ITPK1: variants seen among roughly 807,000 people sequenced by gnomAD.
The protein encoded by ITPK1 is inositol 1,3,4-trisphosphate 5/6-kinase.
ITPK1 carries 21 observed loss-of-function variants against 45.3 expected under a neutral mutation model. The observed-to-expected ratio is 0.46, with a 90% CI of 0.33 to 0.67. ITPK1 has a LOEUF of 0.67. ITPK1 is among the 30% of genes least tolerant of loss of function. The pLI, the probability that ITPK1 is intolerant of heterozygous loss-of-function variation, is 0.02. For missense variants in ITPK1, 474 were observed against 573.5 expected (o/e 0.83, Z 1.77); for synonymous variants, 258 against 253.6 (o/e 1.02, Z -0.16).
rs1890464414 is a variant in ITPK1 at position 93,060,304 on chromosome 14, CTT to C, written c.120+16289_120+16290del. Among the ~76,000 whole-genome samples, 4 of 152,352 alleles carry C rather than the reference CTT, an allele frequency of 2.6e-5. No individual in the cohort carries two copies. The South Asian group carries it at 8.3e-4, about 32-fold the overall frequency. On this transcript the variant is annotated intron_variant, in intron 3 of 10. Coordinates refer to ENST00000267615, the MANE Select transcript of ITPK1 (RefSeq NM_014216.6). The stretch of plus-strand genomic sequence containing the variant: ...AAACAGCCCCTGCTTTCAAGGCTCT[CTT>C]TGAACCACTGAGGGTGAGCTCTGCT...
At position 92,938,690 on chromosome 14, in the gene ITPK1, C is replaced by T. The variant is rs1887220618; in HGVS notation, c.*2871G>A. 4.7e-6 allele frequency: 3 copies of T among 639,382 alleles called. No homozygotes were observed. In the East Asian group the frequency reaches 8.2e-5, roughly 17 times the overall value. The allele number at this position is 639,382 out of a possible 1,614,324, so 39.6% of individuals were successfully genotyped here. A position where few individuals can be genotyped will look rare whatever the true frequency, so the allele number is the denominator to read the frequency against. On this transcript the variant is annotated 3_prime_UTR_variant, in exon 11 of 11. Transcript: ENST00000267615. ...GTGACTGCAGGCCCAGCCCACCCAC[C>T]ACGTGTGGACCCAGACACCTCCATG...
intron 5 of ITPK1, among the ~76,000 whole-genome samples, chr14:92,980,163 G>T (rs1169631780): frequency 6.6e-6 from 1 of 152,160 alleles, no homozygotes; most frequent in East Asian, 1.9e-4. Flanking sequence ...TCTTTGGGCA[G>T]AACACACAGC....
At position 93,031,259 on chromosome 14, in the gene ITPK1, C is replaced by T. The variant is rs374788528; in HGVS notation, c.121-14458G>A. Among the ~76,000 whole-genome samples the T allele has an allele frequency of 9.9e-5, 15 of 151,678 alleles. No individual in the cohort carries two copies. The East Asian group carries it at 2.5e-3, about 26-fold the overall frequency. ...AGGGGTCCCGAGCAGAGGAGGCCAG[C>T]GTGGGTGCAGGGGACGGGGGACAAA... On this transcript the variant is annotated intron_variant, in intron 3 of 10. Coordinates refer to ENST00000267615, the MANE Select transcript of ITPK1 (RefSeq NM_014216.6).
intron 2 of ITPK1, among the ~76,000 whole-genome samples, chr14:93,098,056 T>C (rs1892153340): frequency 1.3e-5 from 2 of 151,946 alleles, no homozygotes; most frequent in Admixed American, 6.6e-5. Context: ...AGGTGGCTCA[T>C]GCATATAATC....
Position 92,940,250 on chromosome 14 carries a change from A to G in ITPK1, c.*1311T>C, listed in dbSNP as rs1887292369. 1.0e-6 allele frequency: 1 copy of G among 986,378 alleles called. No individual in the cohort carries two copies. Among genetic ancestry groups the G allele is most frequent in the Non-Finnish European group, 1.2e-6 (1 of 830,688 alleles). 61.1% of individuals were successfully genotyped at this position (986,378 alleles called of 1,614,324 possible). The stretch of plus-strand genomic sequence containing the variant: ...AGCCTTTTTCACTTTTTCAAAGTAA[A>G]CTGCTATCTTAAGACACAAAAACAT... On this transcript the variant is annotated 3_prime_UTR_variant, in exon 11 of 11. Transcript: ENST00000267615.
At chr14:92,975,588 T>A (rs530753463) in intron 5 of ITPK1, among the ~76,000 whole-genome samples, 16 of 152,316 alleles carry the variant, frequency 1.1e-4, no homozygotes, top group African/African-American at 3.6e-4. Context: ...CTGAATGAGA[T>A]TAGCATTTGA....
rs1025927492 is a variant in ITPK1 at position 93,016,536 on chromosome 14, T to C, written c.246+140A>G. The stretch of plus-strand genomic sequence containing the variant: ...AGAAGTACCTGCCCACGAGCCCATG[T>C]CTTGCCAGTGGCAGAGCCATTTCTC... On this transcript the variant is annotated intron_variant, in intron 4 of 10. Transcript: ENST00000267615. The surrounding 1 kb of genome is among the most constrained non-coding windows in gnomAD (Gnocchi z 5.0). 5.3e-6 allele frequency: 5 copies of C among 946,896 alleles called. No individual in the cohort carries two copies. In the Admixed American group the frequency reaches 1.1e-4, roughly 21 times the overall value. 58.7% of individuals were successfully genotyped at this position (946,896 alleles called of 1,614,324 possible). A position where few individuals can be genotyped will look rare whatever the true frequency, so the allele number is the denominator to read the frequency against.
At chr14:93,111,738 G>A (rs1038447776) in intron 2 of ITPK1, among the ~76,000 whole-genome samples, 3 of 150,756 alleles carry the variant, frequency 2.0e-5, no homozygotes, top group Admixed American at 1.3e-4. Context: ...GCCACAAAGA[G>A]GGGGTGGTGT....
At chr14:93,033,958 G>A (rs1194573518) in intron 3 of ITPK1, among the ~76,000 whole-genome samples, 1 of 152,092 alleles carries the variant, frequency 6.6e-6, no homozygotes, top group Non-Finnish European at 1.5e-5. Flanking sequence ...GGATGGGGCA[G>A]GGGGCAAGCA....
At position 92,993,401 on chromosome 14, in the gene ITPK1, G is replaced by A. The variant is rs554546570; in HGVS notation, c.364+479C>T. 7.2e-5 allele frequency among the ~76,000 whole-genome samples: 11 copies of A among 152,322 alleles called. No individual in the cohort carries two copies. The East Asian group carries it at 2.1e-3, about 29-fold the overall frequency. On this transcript the variant is annotated intron_variant, in intron 5 of 10. Coordinates refer to ENST00000267615, the MANE Select transcript of ITPK1 (RefSeq NM_014216.6). ...GGGACAGGAGCCTGCAGCTGGCAGG[G>A]GAGGCGCCGCAGTGAAGAGGGAGGC...
At chr14:93,064,377 G>C (rs903616633) in intron 3 of ITPK1, among the ~76,000 whole-genome samples, 1 of 152,194 alleles carries the variant, frequency 6.6e-6, no homozygotes, top group East Asian at 1.9e-4. Flanking sequence ...CTCCTGCCTT[G>C]GCCTCTCAAA....
chr14:93,028,225 A>G (rs1031057251), intron 3 of ITPK1, among the ~76,000 whole-genome samples: 2 of 152,234 alleles, frequency 1.3e-5, no homozygotes, highest in African/African-American at 4.8e-5. Context: ...GACCCCATTC[A>G]TGTGGCTGAC....
intron 3 of ITPK1, among the ~76,000 whole-genome samples, chr14:93,058,332 C>T (rs1000973748): frequency 7.1e-6 from 1 of 141,342 alleles, no homozygotes; most frequent in African/African-American, 2.7e-5. Flanking sequence ...ACAGAGGCCA[C>T]GGGACACATT....
At chr14:93,019,290 T>C (rs1888350561) in intron 3 of ITPK1, among the ~76,000 whole-genome samples, 1 of 152,062 alleles carries the variant, frequency 6.6e-6, no homozygotes, top group African/African-American at 2.4e-5. Flanking sequence ...AACTGTGGGG[T>C]TCCCTTGGCG....
chr14:93,029,838 A>G (rs1396092117), intron 3 of ITPK1, among the ~76,000 whole-genome samples: 1 of 152,180 alleles, frequency 6.6e-6, no homozygotes, highest in Non-Finnish European at 1.5e-5. Flanking sequence ...GAGAGTGGAC[A>G]AGGCAAGGGT....
intron 3 of ITPK1, among the ~76,000 whole-genome samples, chr14:93,049,452 G>C (rs1889914975): frequency 6.6e-6 from 1 of 152,182 alleles, no homozygotes; most frequent in South Asian, 2.1e-4. Context: ...AGAGTGCGCA[G>C]GTGTTGCTGG....
intron 3 of ITPK1, among the ~76,000 whole-genome samples, chr14:93,035,024 G>A (rs542816407): frequency 6.6e-6 from 1 of 152,326 alleles, no homozygotes; most frequent in African/African-American, 2.4e-5. Context: ...CTTCTTTTGG[G>A]TCCTGCCTCT....
intron 2 of ITPK1, among the ~76,000 whole-genome samples, chr14:93,105,586 A>G (rs1257455140): frequency 8.8e-5 from 13 of 147,554 alleles, no homozygotes; most frequent in Admixed American, 8.2e-4. Flanking sequence ...CAGTGACGCA[A>G]TCTCGGCTCA....
intron 3 of ITPK1, among the ~76,000 whole-genome samples, chr14:93,056,250 T>G: frequency 1.3e-5 from 2 of 149,588 alleles, no homozygotes; most frequent in Admixed American, 6.6e-5. Context: ...GGGGAAGGAG[T>G]CAGAAAGATC....
Sources: allele counts gnomAD v4.1 joint callset (sites outside exome capture counted in the v4.1 genomes callset), GRCh38; gene constraint gnomAD v4.1.1; non-coding constraint Gnocchi (gnomAD v3.1); transcripts MANE v1.5; gene names NCBI Gene and HGNC (gene_info 2026-07-23, HGNC 2026-07-21).